The following ZMYM2 variants were observed in gnomAD, a reference collection of about 807,000 sequenced individuals.
The protein encoded by ZMYM2 is zinc finger MYM-type protein 2.
Under a neutral mutation model 162.8 loss-of-function variants are expected in ZMYM2, and 56 were observed. The ratio of observed to expected loss-of-function variants is 0.34; its 90% CI spans 0.28 to 0.43. ZMYM2 has a LOEUF of 0.43. Ranked by LOEUF, ZMYM2 falls within the 20% of genes least tolerant of loss-of-function variation. ZMYM2 has a pLI of 1.00. For missense variants in ZMYM2, 1,275 were observed against 1,621.8 expected (o/e 0.79, Z 3.67); for synonymous variants, 510 against 541.6 (o/e 0.94, Z 0.81).
At chr13:20,045,049 CAAAA>C (rs933854935) in intron 12 of ZMYM2, among the ~76,000 whole-genome samples, 1,483 of 47,390 alleles carry the variant, frequency 0.031, 9 homozygotes, top group Non-Finnish European at 0.046. Context: ...GACTCTGTGT[CAAAA>C]AAAAAAAAAA....
At chr13:19,950,841 T>C in the ZMYM2 span, among the ~76,000 whole-genome samples, 2 of 152,220 alleles carry the variant, frequency 1.3e-5, no homozygotes, top group Non-Finnish European at 2.9e-5. Flanking sequence ...ATGGGAAGGA[T>C]CTTGGAAATA....
chr13:20,061,364 TA>T, intron 17 of ZMYM2, 140 bp downstream of exon 17: 2 of 745,102 alleles, frequency 2.7e-6, no homozygotes, highest in African/African-American at 2.5e-5. Flanking sequence ...AAATGTTTTT[TA>T]TATTAAGAGA....
intron 7 of ZMYM2, among the ~76,000 whole-genome samples, chr13:20,021,609 G>T (rs1164561318): frequency 6.6e-6 from 1 of 152,014 alleles, no homozygotes; most frequent in African/African-American, 2.4e-5. Context: ...ATACTACCGC[G>T]GTGATACCTG....
At chr13:20,057,790 A>AT (rs745703845) in intron 14 of ZMYM2, among the ~76,000 whole-genome samples, 2 of 152,202 alleles carry the variant, frequency 1.3e-5, no homozygotes, top group Non-Finnish European at 2.9e-5. Flanking sequence ...CTAATCTTGT[A>AT]TTTCCCATTG....
At chr13:20,029,334 T>C (rs1218269102) in intron 9 of ZMYM2, among the ~76,000 whole-genome samples, 1 of 152,236 alleles carries the variant, frequency 6.6e-6, no homozygotes, top group Non-Finnish European at 1.5e-5. Flanking sequence ...TCTGATCACC[T>C]TTTCAAAGCC....
chr13:19,884,607 A>T, the ZMYM2 span, among the ~76,000 whole-genome samples: 2 of 152,122 alleles, frequency 1.3e-5, no homozygotes, highest in African/African-American at 4.8e-5. Context: ...CCTCACGGTG[A>T]GTATTACAGC....
chr13:19,881,609 G>C, the ZMYM2 span, among the ~76,000 whole-genome samples: 2 of 151,460 alleles, frequency 1.3e-5, no homozygotes, highest in Non-Finnish European at 2.9e-5. Context: ...GCAACAGAGT[G>C]AGACTCAGTC....
At chr13:19,966,432 C>A (rs1955790518) in intron 2 of ZMYM2, among the ~76,000 whole-genome samples, 2 of 151,398 alleles carry the variant, frequency 1.3e-5, no homozygotes, top group South Asian at 2.1e-4. Flanking sequence ...CTGCACCAGG[C>A]CTGAATTCTT....
the ZMYM2 span, among the ~76,000 whole-genome samples, chr13:19,951,033 T>A: frequency 2.0e-4 from 30 of 152,202 alleles, no homozygotes; most frequent in Non-Finnish European, 3.4e-4. Flanking sequence ...TTTTTTAATT[T>A]ATTTATTTTG....
At chr13:19,954,126 A>ATTTTTTTTTTCTTTTTTT (rs1954471829), upstream of ZMYM2, among the ~76,000 whole-genome samples, 1 of 64,880 alleles carries the variant, frequency 1.5e-5, no homozygotes, top group African/African-American at 4.8e-5. Flanking sequence ...GCTATGTTTA[A>ATTTTTTTTTTCTTTTTTT]TTTTTTTTTT....
At chr13:19,923,885 G>A in the ZMYM2 span, among the ~76,000 whole-genome samples, 14 of 151,826 alleles carry the variant, frequency 9.2e-5, no homozygotes, top group Non-Finnish European at 8.8e-5. Context: ...TGGCCAGGCT[G>A]GTCTCAAACT....
At chr13:19,983,699 G>T (rs1957568925) in intron 2 of ZMYM2, among the ~76,000 whole-genome samples, 1 of 151,886 alleles carries the variant, frequency 6.6e-6, no homozygotes, top group African/African-American at 2.4e-5. Flanking sequence ...TGCAATCTTA[G>T]CTCACTGCAG....
the ZMYM2 span, among the ~76,000 whole-genome samples, chr13:19,893,121 G>A: frequency 6.6e-6 from 1 of 151,446 alleles, no homozygotes; most frequent in Admixed American, 6.6e-5. Flanking sequence ...TAATGCCACT[G>A]AACTGTACAC....
At position 19,969,992 on chromosome 13, in the gene ZMYM2, T is replaced by G. The variant is rs1028935385; in HGVS notation, c.-11+9966T>G. ...ACCTTATTGGATCTCTGGTCTCATT[T>G]GCTTATTGATGCAAGTATTGTTGTT... On this transcript the variant is annotated intron_variant, in intron 2 of 24. Coordinates refer to ENST00000610343, the MANE Select transcript of ZMYM2 (RefSeq NM_197968.4). 3 of 975,238 alleles carry G rather than the reference T, an allele frequency of 3.1e-6. No homozygotes were observed. The African/African-American group carries it at 5.3e-5, about 17-fold the overall frequency. The allele number at this position is 975,238 out of a possible 1,614,324, so 60.4% of individuals were successfully genotyped here.
intron 10 of ZMYM2, among the ~76,000 whole-genome samples, chr13:20,032,871 A>C (rs1254857348): frequency 1.3e-5 from 2 of 152,050 alleles, no homozygotes; most frequent in Non-Finnish European, 2.9e-5. Context: ...AGCCTCCCAA[A>C]GTGCTGGGAT....
the ZMYM2 span, among the ~76,000 whole-genome samples, chr13:19,939,058 C>T: frequency 6.4e-5 from 9 of 140,048 alleles, no homozygotes; most frequent in South Asian, 2.2e-4. Context: ...GAGTCTCGCT[C>T]TGTCACCCAG....
At position 20,066,855 on chromosome 13, in the gene ZMYM2, C is replaced by A; in HGVS notation, c.3137C>A (p.Ala1046Asp). Residue 1046 changes from alanine to aspartate, a missense_variant, in exon 20 of 25, where the codon GCC (alanine) becomes GAC (aspartate). Physicochemically the swap from Ala to Asp is moderately radical, Grantham distance 126. This residue lies in a region of ZMYM2 where 229 missense variants were observed against 283.8 expected (regional missense o/e 0.81). Coordinates refer to ENST00000610343, the MANE Select transcript of ZMYM2 (RefSeq NM_197968.4). ...QPRPRSKKKG[A>D]KRKAVSGYQS... is the part of the protein sequence containing the mutation. ...TATGGTGTTTTTTACTAATAGGGAGCCAAGAGAAAGGCTGTATCAGGATAC... is the reference window on the plus strand; with the variant it reads ...TATGGTGTTTTTTACTAATAGGGAGACAAGAGAAAGGCTGTATCAGGATAC... The A allele has an allele frequency of 1.3e-6, 2 of 1,579,404 alleles. No homozygotes were observed. Among genetic ancestry groups the A allele is most frequent in the Middle Eastern group, 1.7e-4 (1 of 5,940 alleles).
intron 14 of ZMYM2, among the ~76,000 whole-genome samples, chr13:20,055,119 A>G (rs887160294): frequency 5.3e-5 from 8 of 151,476 alleles, no homozygotes; most frequent in Admixed American, 1.3e-4. Context: ...GGAGTTGTGT[A>G]TGCAGATTCT....
chr13:20,078,293 G>A (rs187852935), intron 21 of ZMYM2, among the ~76,000 whole-genome samples: 13 of 149,162 alleles, frequency 8.7e-5, no homozygotes, highest in Non-Finnish European at 1.2e-4. Context: ...TTCATATAAC[G>A]TTTAATAAAA....
Sources: allele counts gnomAD v4.1 joint callset (sites outside exome capture counted in the v4.1 genomes callset), GRCh38; gene constraint gnomAD v4.1.1; regional missense constraint gnomAD v4.1.1; transcripts MANE v1.5; gene names NCBI Gene and HGNC (gene_info 2026-07-23, HGNC 2026-07-21).